IGFBP5: variants seen among roughly 807,000 people sequenced by gnomAD.
IGFBP5 encodes insulin like growth factor binding protein 5.
A neutral mutation model predicts 28.0 loss-of-function variants in IGFBP5; 12 were observed. That is an observed-to-expected ratio of 0.43 (90% CI 0.27 to 0.69). The LOEUF is 0.69. Ranked by LOEUF, IGFBP5 falls within the 30% of genes least tolerant of loss-of-function variation. The pLI is 0.20. For missense variants in IGFBP5, 344 were observed against 381.6 expected (o/e 0.90, Z 0.82); for synonymous variants, 152 against 150.2 (o/e 1.01, Z -0.09).
chr2:216,682,909 C>A (rs1688993382), intron 1 of IGFBP5, among the ~76,000 whole-genome samples: 1 of 151,994 alleles, frequency 6.6e-6, no homozygotes, highest in Admixed American at 6.6e-5. Context: ...GGGGTTTCAC[C>A]GTGTTAGCCA....
rs1334757513 is a variant in IGFBP5, at chr2:216,678,921, C to G, written c.496G>C (p.Val166Leu). 2.5e-6 allele frequency: 4 copies of G among 1,614,124 alleles called. No homozygotes were observed. The highest frequency in any genetic ancestry group is 3.4e-6 in the Non-Finnish European group (4 of 1,180,052). The change falls in exon 2 of 4, where the codon GTC becomes CTC. Residue 166 changes from valine to leucine, a missense_variant. By Grantham distance (32) the Val-to-Leu change is conservative (BLOSUM62 1). This residue lies in a region of IGFBP5 where 304 missense variants were observed against 329.2 expected (regional missense o/e 0.92). Coordinates refer to ENST00000233813, the MANE Select transcript of IGFBP5 (RefSeq NM_000599.4). ...TGGGCAGTGTTCTCGGCTCCCCCGA[C>G]AAACTTGGACTGGGTCAGCTTCTTT... ...RRKKLTQSKF[V>L]GGAENTAHPR...
rs940683232 is a variant in IGFBP5 at position 216,675,443 on chromosome 2, G to C, written c.*1308C>G. The C allele has an allele frequency of 1.0e-4, 16 of 152,566 alleles. No homozygotes were observed. The highest frequency in any genetic ancestry group is 3.4e-4 in the African/African-American group (14 of 41,422). 9.5% of individuals were successfully genotyped at this position (152,566 alleles called of 1,614,324 possible). ...TTCCTGAGGGTTTAAAGACTAAAAT[G>C]GGATGGACTGAGGCGCGTGCTGTGT... is the stretch of plus-strand genomic sequence containing the variant. On this transcript the variant is annotated 3_prime_UTR_variant, in exon 4 of 4. Transcript: ENST00000233813.
chr2:216,686,164 G>A (rs1015709601), intron 1 of IGFBP5, among the ~76,000 whole-genome samples: 5 of 152,154 alleles, frequency 3.3e-5, no homozygotes, highest in African/African-American at 7.2e-5. Flanking sequence ...ATTTTAGGCC[G>A]GGAGAAATAG....
rs571724997 is a variant in IGFBP5 at position 216,685,603 on chromosome 2, C to T, written c.338-6524G>A. On this transcript the variant is annotated intron_variant, in intron 1 of 3. Transcript: ENST00000233813. The stretch of plus-strand genomic sequence containing the variant: ...ACCAGCCCCTCCCTACAACACAAGG[C>T]TGGTGGAAGCATGAGGGATTGGCTG... 2.0e-5 allele frequency among the ~76,000 whole-genome samples: 3 copies of T among 152,326 alleles called. No individual in the cohort carries two copies. In the South Asian group the frequency reaches 6.2e-4, roughly 32 times the overall value.
chr2:216,693,335 C>T (rs1055455757), intron 1 of IGFBP5, among the ~76,000 whole-genome samples: 1 of 150,296 alleles, frequency 6.7e-6, no homozygotes, highest in Non-Finnish European at 1.5e-5. Flanking sequence ...GCTCCCAGTG[C>T]GTGGCTTTTC....
chr2:216,678,612 G>A (rs1688932770), intron 2 of IGFBP5: 5 of 576,336 alleles, frequency 8.7e-6, no homozygotes, highest in Non-Finnish European at 1.5e-5. Context: ...TGGCCGCTGG[G>A]CTGGCACACA....
intron 2 of IGFBP5, among the ~76,000 whole-genome samples, 166 bp from the exon 3 acceptor site, chr2:216,678,397 C>T (rs1354367101): frequency 1.3e-5 from 2 of 152,206 alleles, no homozygotes; most frequent in Non-Finnish European, 2.9e-5. Context: ...TCACCTGTCA[C>T]GTGCGCTGGG....
At chr2:216,687,876 T>TC (rs1378204003) in intron 1 of IGFBP5, among the ~76,000 whole-genome samples, 1 of 152,118 alleles carries the variant, frequency 6.6e-6, no homozygotes, top group African/African-American at 2.4e-5. Flanking sequence ...GGTTTACGCT[T>TC]CTCTCCTGAG....
In IGFBP5 at chr2:216,675,268, A is replaced by C. The variant is rs1688881295; in HGVS notation, c.*1483T>G. On this transcript the variant is annotated 3_prime_UTR_variant, in exon 4 of 4. Transcript: ENST00000233813. ...ATCTCCCTCTGCCATCTCTTACTTC[A>C]GTCTCCCTCCTGCTCTGCCAGCATG... The C allele has an allele frequency of 6.6e-6, 1 of 152,418 alleles. No individual in the cohort carries two copies. Among genetic ancestry groups the C allele is most frequent in the Non-Finnish European group, 1.5e-5 (1 of 68,084 alleles). The allele number at this position is 152,418 out of a possible 1,614,324, so 9.4% of individuals were successfully genotyped here.
rs1051197915 is a variant in IGFBP5, at chr2:216,675,807, G to A, written c.*944C>T. Reference sequence around the variant, plus strand: ...TATATGGAGTCCTGTAGATAAATACGAGCCCACTTTTTTTTTTCAGCCTAT... The same window carrying A: ...TATATGGAGTCCTGTAGATAAATACAAGCCCACTTTTTTTTTTCAGCCTAT... On this transcript the variant is annotated 3_prime_UTR_variant, in exon 4 of 4. Coordinates refer to ENST00000233813, the MANE Select transcript of IGFBP5 (RefSeq NM_000599.4). 8.6e-5 allele frequency: 13 copies of A among 151,892 alleles called. No individual in the cohort carries two copies. The highest frequency in any genetic ancestry group is 3.4e-3 in the Middle Eastern group (1 of 294). 9.4% of individuals were successfully genotyped at this position (151,892 alleles called of 1,614,324 possible). A position where few individuals can be genotyped will look rare whatever the true frequency, so the allele number is the denominator to read the frequency against.
At chr2:216,689,913 G>A (rs1181094362) in intron 1 of IGFBP5, among the ~76,000 whole-genome samples, 2 of 152,148 alleles carry the variant, frequency 1.3e-5, no homozygotes, top group Admixed American at 1.3e-4. Context: ...TGGCCAAGGT[G>A]GGAATATAAC....
intron 1 of IGFBP5, among the ~76,000 whole-genome samples, chr2:216,681,141 T>A (rs546126348): frequency 6.6e-6 from 1 of 152,134 alleles, no homozygotes; most frequent in Non-Finnish European, 1.5e-5. Flanking sequence ...AAGGCTCAGA[T>A]CTTGGAGAAG....
chr2:216,678,712 C>T (rs558674230), intron 2 of IGFBP5, 138 bp downstream of exon 2: 69 of 683,078 alleles, frequency 1.0e-4, no homozygotes, highest in South Asian at 8.3e-4. Context: ...TCTACTCCCA[C>T]GTCCTAAGCT....
intron 1 of IGFBP5, among the ~76,000 whole-genome samples, chr2:216,686,493 C>A (rs1475232574): frequency 6.6e-6 from 1 of 151,942 alleles, no homozygotes; most frequent in Non-Finnish European, 1.5e-5. Context: ...CAGTGTGCAC[C>A]TATAGTCCTA....
chr2:216,683,102 T>C (rs1039611112), intron 1 of IGFBP5, among the ~76,000 whole-genome samples: 1 of 152,142 alleles, frequency 6.6e-6, no homozygotes, highest in African/African-American at 2.4e-5. Flanking sequence ...GTGGATTGCC[T>C]GAGCCCAGGA....
Position 216,678,996 on chromosome 2 carries a change from G to T in IGFBP5, c.421C>A (p.His141Asn). ...TYSPKIFRPK[H>N]TRISELKAEA... ...GCCTTCAGCTCGGAGATGCGGGTGT[G>T]TTTGGGCCGGAAGATCTTGGGGGAG... Residue 141 changes from histidine to asparagine, a missense_variant, in exon 2 of 4, where the codon CAC becomes AAC. His to Asn is a moderately conservative substitution (Grantham distance 68, BLOSUM62 1). This residue lies in a region of IGFBP5 where 304 missense variants were observed against 329.2 expected (regional missense o/e 0.92). Transcript: ENST00000233813. 1 of 1,614,150 alleles carries T rather than the reference G, an allele frequency of 6.2e-7. No homozygotes were observed. The highest frequency in any genetic ancestry group is 8.5e-7 in the Non-Finnish European group (1 of 1,180,022).
At position 216,680,367 on chromosome 2, in the gene IGFBP5, CAGA is replaced by C. The variant is rs11575187; in HGVS notation, c.338-1291_338-1289del. ...ACCGCCAGACATCTGGGATGGGGAACAGAAGAAGTGGGTAGAATTCCAGGAAGT... is the reference window on the plus strand; with the variant it reads ...ACCGCCAGACATCTGGGATGGGGAACAGAAGTGGGTAGAATTCCAGGAAGT... On this transcript the variant is annotated intron_variant, in intron 1 of 3. Transcript: ENST00000233813. Among the ~76,000 whole-genome samples the C allele has an allele frequency of 8.2e-3, 1,251 of 152,212 alleles. 20 individuals are homozygous for C. Among genetic ancestry groups the C allele is most frequent in the African/African-American group, 0.028 (1,155 of 41,526 alleles).
intron 1 of IGFBP5, among the ~76,000 whole-genome samples, chr2:216,683,734 CT>C (rs1437187317): frequency 6.6e-6 from 1 of 152,216 alleles, no homozygotes; most frequent in Non-Finnish European, 1.5e-5. Flanking sequence ...CTGCTGGGAT[CT>C]ATGGAGGCCA....
chr2:216,682,395 T>C (rs1688986815), intron 1 of IGFBP5, among the ~76,000 whole-genome samples: 1 of 152,212 alleles, frequency 6.6e-6, no homozygotes, highest in African/African-American at 2.4e-5. Flanking sequence ...TCAGCTGCTC[T>C]GTGGCTGAGT....
Sources: allele counts gnomAD v4.1 joint callset (sites outside exome capture counted in the v4.1 genomes callset), GRCh38; gene constraint gnomAD v4.1.1; regional missense constraint gnomAD v4.1.1; transcripts MANE v1.5; gene names NCBI Gene and HGNC (gene_info 2026-07-23, HGNC 2026-07-21).